Variants in GRAP2 observed in about 807,000 individuals in gnomAD.
GRAP2 encodes the protein GRB2 related adaptor protein 2.
GRAP2 carries 31 observed loss-of-function variants against 43.5 expected under a neutral mutation model. That is an observed-to-expected ratio of 0.71 (90% confidence interval 0.54 to 0.96). The LOEUF is 0.96. Among genes scored for constraint, GRAP2 ranks in the 40% least tolerant of loss-of-function variants. The pLI is 0.00. For missense variants in GRAP2, 371 were observed against 424.4 expected, an observed-to-expected ratio of 0.87 and a Z score of 1.11; for synonymous variants, 156 against 164.8, an observed-to-expected ratio of 0.95 and a Z score of 0.41.
chr22:39,905,961 C>G (rs575246323), intron 1 of GRAP2, among the ~76,000 whole-genome samples: 1 of 152,184 alleles, frequency 6.6e-6, no homozygotes, highest in Non-Finnish European at 1.5e-5. Flanking sequence ...TGAATAAGAA[C>G]AGCATTCCAC....
At chr22:39,951,891 GCAC>G (rs983845509) in intron 2 of GRAP2, among the ~76,000 whole-genome samples, 1 of 152,122 alleles carries the variant, frequency 6.6e-6, no homozygotes, top group African/African-American at 2.4e-5. Flanking sequence ...GGCAGACCAA[GCAC>G]CAGGTGGCGG....
Position 39,944,683 on chromosome 22 carries a change from C to T in GRAP2, c.-14-2410C>T, listed in dbSNP as rs895144393. 3.9e-5 allele frequency among the ~76,000 whole-genome samples: 6 copies of T among 152,298 alleles called. No individual in the cohort carries two copies. The East Asian group carries it at 1.2e-3, about 29-fold the overall frequency. On this transcript the variant is annotated intron_variant, in intron 1 of 7. Transcript: ENST00000344138. The stretch of plus-strand genomic sequence containing the variant: ...AGAAGCAATTTTACTTCTGCCTCGG[C>T]CTTCTCACTTCTCACTGAAGTGATT...
Position 39,965,914 on chromosome 22 carries a change from TC to T in GRAP2, c.291-73del, listed in dbSNP as rs141561569. The T allele has an allele frequency of 2.5e-3, 2,937 of 1,197,262 alleles. 46 individuals are homozygous for T. The African/African-American group carries it at 0.036, about 15-fold the overall frequency. The allele number at this position is 1,197,262 out of a possible 1,614,324, so 74.2% of individuals were successfully genotyped here. On this transcript the variant is annotated intron_variant, in intron 4 of 7. Coordinates refer to ENST00000344138, the MANE Select transcript of GRAP2 (RefSeq NM_004810.4). The stretch of plus-strand genomic sequence containing the variant: ...CTCCTGCTCAAAGAGAACTCCACCA[TC>T]CCAGATGTGAGCAGCCTGGAGGTGG...
In GRAP2 at chr22:39,926,621, G is replaced by T. The variant is rs151150782; in HGVS notation, c.-14-20472G>T. ...TCATAAAAGCATTCTATGCTGGACCGGTTCGTGTTAAGTCTGAGTTCCTCA... is the reference window on the plus strand; with the variant it reads ...TCATAAAAGCATTCTATGCTGGACCTGTTCGTGTTAAGTCTGAGTTCCTCA... On this transcript the variant is annotated intron_variant, in intron 1 of 7. Transcript: ENST00000344138. 1,038 of 985,330 alleles carry T rather than the reference G, an allele frequency of 1.1e-3. 19 individuals carry two copies. The Admixed American group carries it at 0.04, about 38-fold the overall frequency. 61.0% of individuals were successfully genotyped at this position (985,330 alleles called of 1,614,324 possible). A position where few individuals can be genotyped will look rare whatever the true frequency, so the allele number is the denominator to read the frequency against.
chr22:39,926,509 G>C, intron 1 of GRAP2: 1 of 634,284 alleles, frequency 1.6e-6, no homozygotes, highest in African/African-American at 2.0e-5. Flanking sequence ...AAGGAAAAGA[G>C]CAAAAAAGCA....
intron 1 of GRAP2, among the ~76,000 whole-genome samples, chr22:39,903,834 G>T (rs950112271): frequency 6.6e-6 from 1 of 152,052 alleles, no homozygotes; most frequent in Non-Finnish European, 1.5e-5. Flanking sequence ...TAACAAATAA[G>T]CATTTTACAA....
intron 6 of GRAP2, 79 bp downstream of exon 6, chr22:39,968,351 G>A: frequency 6.5e-7 from 1 of 1,526,734 alleles, no homozygotes; most frequent in South Asian, 1.2e-5. Flanking sequence ...CCAGCCTCTT[G>A]AGTTCTCAGA....
chr22:39,929,890 C>T (rs1213708403), intron 1 of GRAP2, among the ~76,000 whole-genome samples: 1 of 152,174 alleles, frequency 6.6e-6, no homozygotes, highest in Non-Finnish European at 1.5e-5. Flanking sequence ...GAAAATGCTA[C>T]CAACATCTAC....
At chr22:39,965,205 C>T (rs541401064) in intron 4 of GRAP2, among the ~76,000 whole-genome samples, 17 of 152,344 alleles carry the variant, frequency 1.1e-4, no homozygotes, top group African/African-American at 4.1e-4. Context: ...GCCTGACCAA[C>T]ATGGCGAAAC....
At chr22:39,898,997 T>G (rs1301858438), upstream of GRAP2, among the ~76,000 whole-genome samples, 1 of 152,230 alleles carries the variant, frequency 6.6e-6, no homozygotes, top group Non-Finnish European at 1.5e-5. Flanking sequence ...GCTATTTTTC[T>G]GAGTATCTCA....
chr22:39,930,491 TG>T (rs1170142473), intron 1 of GRAP2, among the ~76,000 whole-genome samples: 3 of 152,190 alleles, frequency 2.0e-5, no homozygotes, highest in African/African-American at 7.2e-5. Context: ...GTACTTACTA[TG>T]GAGATAAAAA....
chr22:39,927,750 C>T (rs1429366692), intron 1 of GRAP2, among the ~76,000 whole-genome samples: 2 of 152,166 alleles, frequency 1.3e-5, no homozygotes, highest in Admixed American at 1.3e-4. Context: ...CACCATCCCC[C>T]GTGTGCTGCC....
At chr22:39,927,159 G>A (rs947782243) in intron 1 of GRAP2, among the ~76,000 whole-genome samples, 1 of 152,122 alleles carries the variant, frequency 6.6e-6, no homozygotes, top group Non-Finnish European at 1.5e-5. Context: ...CGTTGATCAC[G>A]TTTTAATTCT....
At chr22:39,934,559 G>T (rs760074070) in intron 1 of GRAP2, among the ~76,000 whole-genome samples, 1 of 152,182 alleles carries the variant, frequency 6.6e-6, no homozygotes, top group African/African-American at 2.4e-5. Context: ...TTGGCCAAAG[G>T]GGGAGAACAA....
intron 1 of GRAP2, among the ~76,000 whole-genome samples, chr22:39,916,557 G>A (rs2066604203): frequency 6.6e-6 from 1 of 152,222 alleles, no homozygotes; most frequent in Non-Finnish European, 1.5e-5. Flanking sequence ...AAAAGTTAGT[G>A]AGTTGAATAA....
intron 2 of GRAP2, 152 bp from the exon 3 acceptor site, chr22:39,955,667 G>T: frequency 3.8e-6 from 2 of 529,602 alleles, no homozygotes; most frequent in Non-Finnish European, 3.5e-6. Context: ...CACAGGCCTG[G>T]GGTAAATCCT....
chr22:39,949,727 G>A (rs531961702), intron 2 of GRAP2, among the ~76,000 whole-genome samples: 2 of 152,278 alleles, frequency 1.3e-5, no homozygotes, highest in African/African-American at 2.4e-5. Flanking sequence ...CCGGGTTGTG[G>A]AGAGGATTCG....
intron 3 of GRAP2, among the ~76,000 whole-genome samples, chr22:39,958,697 TCC>T (rs1322583717): frequency 6.6e-6 from 1 of 152,210 alleles, no homozygotes; most frequent in Non-Finnish European, 1.5e-5. Flanking sequence ...ATTTCCTAAA[TCC>T]CCTTCACTTC....
rs1025437105 is a variant in GRAP2 at position 39,956,210 on chromosome 22, T to C, written c.170+300T>C. The stretch of plus-strand genomic sequence containing the variant: ...TCTCCCTCTGTCACCCAGGCTGGAG[T>C]GCGGTGACTCCATCACCACTCACTG... On this transcript the variant is annotated intron_variant, in intron 3 of 7. Transcript: ENST00000344138. 1.4e-4 allele frequency among the ~76,000 whole-genome samples: 21 copies of C among 150,562 alleles called. 1 individual carries two copies. The South Asian group carries it at 1.7e-3, about 12-fold the overall frequency.
Sources: allele counts gnomAD v4.1 joint callset (sites outside exome capture counted in the v4.1 genomes callset), GRCh38; gene constraint gnomAD v4.1.1; transcripts MANE v1.5; gene names NCBI Gene and HGNC (gene_info 2026-07-23, HGNC 2026-07-21).